Variants in CACNA1C observed in about 807,000 individuals in gnomAD.
CACNA1C encodes the protein voltage-dependent L-type calcium channel subunit alpha-1C.
A neutral mutation model predicts 229.0 loss-of-function variants in CACNA1C; 30 were observed. The ratio of observed to expected loss-of-function variants is 0.13; its 90% CI spans 0.10 to 0.18. The LOEUF (loss-of-function observed/expected upper bound fraction) is 0.18. Ranked by LOEUF, CACNA1C falls within the 10% of genes least tolerant of loss-of-function variation. The pLI, the probability that CACNA1C is intolerant of heterozygous loss-of-function variation, is 1.00. For missense variants in CACNA1C, 1,658 were observed against 2,845.0 expected, an observed-to-expected ratio of 0.58 and a Z score of 9.49; for synonymous variants, 1,114 against 1,132.5, an observed-to-expected ratio of 0.98 and a Z score of 0.33.
intron 10 of CACNA1C, among the ~76,000 whole-genome samples, chr12:2,552,285 G>A (rs1161047508): frequency 2.0e-5 from 3 of 151,866 alleles, no homozygotes; most frequent in Admixed American, 1.3e-4. Flanking sequence ...TCACAGTCTA[G>A]TGTGGGAGAG....
Position 2,608,664 on chromosome 12 carries a change from G to A in CACNA1C, c.3510G>A (p.Gln1170=), listed in dbSNP as rs372745326. ...TGGGCTTCGTCATCGTCACCTTTCA[G>A]GAGCAGGGGGAGCAGGAGTACAAGA... is the stretch of plus-strand genomic sequence containing the variant. ...IFVGFVIVTF[Q]EQGEQEYKNC... Residue 1170 remains glutamine, a synonymous_variant, in exon 27 of 47, where the codon CAG becomes CAA. Coordinates refer to ENST00000399655, the MANE Select transcript of CACNA1C (RefSeq NM_000719.7). The surrounding 1 kb of genome is among the most constrained non-coding windows in gnomAD (Gnocchi z 4.2). 34 of 1,614,164 alleles carry A rather than the reference G, an allele frequency of 2.1e-5. No homozygotes were observed. In the African/African-American group the frequency reaches 3.9e-4, roughly 18 times the overall value.
chr12:2,249,773 T>TC (rs1412878033), intron 3 of CACNA1C, among the ~76,000 whole-genome samples: 20 of 55,750 alleles, frequency 3.6e-4, no homozygotes, highest in African/African-American at 1.2e-3. Flanking sequence ...GCCTTCTCTC[T>TC]TTTTTTTTTT....
chr12:2,254,241 G>C lies in CACNA1C; in HGVS notation c.477+133811G>C, dbSNP rs1405487253. Among the ~76,000 whole-genome samples the C allele has an allele frequency of 3.9e-5, 6 of 152,266 alleles. No individual in the cohort carries two copies. The East Asian group carries it at 1.2e-3, about 29-fold the overall frequency. On this transcript the variant is annotated intron_variant, in intron 3 of 46. Coordinates refer to ENST00000399655, the MANE Select transcript of CACNA1C (RefSeq NM_000719.7). The stretch of plus-strand genomic sequence containing the variant: ...GGCACCCTCCCTCCAGTTGTTCTCA[G>C]GGAGTGGGGTGGAGAGTATCAGTAC...
chr12:2,573,822 T>C (rs1304404750), intron 13 of CACNA1C, among the ~76,000 whole-genome samples: 2 of 152,254 alleles, frequency 1.3e-5, no homozygotes, highest in Admixed American at 6.5e-5. Flanking sequence ...CTCTGTCACT[T>C]GCATTACAAA....
chr12:2,393,786 GT>G lies in CACNA1C; in HGVS notation c.478-55187del, dbSNP rs2098526797. On this transcript the variant is annotated intron_variant, in intron 3 of 46. Transcript: ENST00000399655. Reference sequence around the variant, plus strand: ...TTAGGGAAGTAAAACTCAGGAAAGGGTTTACATCTCTGAATTAGGCTGAAAA... The same window carrying G: ...TTAGGGAAGTAAAACTCAGGAAAGGGTTACATCTCTGAATTAGGCTGAAAA... Among the ~76,000 whole-genome samples the G allele has an allele frequency of 2.0e-5, 3 of 152,192 alleles. No individual in the cohort carries two copies. In the South Asian group the frequency reaches 6.2e-4, roughly 32 times the overall value.
chr12:2,175,627 G>A (rs1357069190), intron 3 of CACNA1C, among the ~76,000 whole-genome samples: 1 of 152,122 alleles, frequency 6.6e-6, no homozygotes, highest in Non-Finnish European at 1.5e-5. Flanking sequence ...TCCCCTGATG[G>A]TTTTCACATC....
chr12:2,364,305 G>A (rs953727646), intron 3 of CACNA1C, among the ~76,000 whole-genome samples: 1 of 152,210 alleles, frequency 6.6e-6, no homozygotes, highest in Non-Finnish European at 1.5e-5. Context: ...AGGCGTCTCT[G>A]AGAGTTGGTT....
chr12:2,004,409 C>A, intron 1 of CACNA1C: 1 of 1,610,862 alleles, frequency 6.2e-7, no homozygotes, highest in Non-Finnish European at 8.5e-7. Flanking sequence ...TCCCACCAGG[C>A]CGCCTGCCGC....
rs1048950179 is a variant in CACNA1C at position 2,136,006 on chromosome 12, G to C, written c.477+15576G>C. On this transcript the variant is annotated intron_variant, in intron 3 of 46. Transcript: ENST00000399655. ...CGAGCCAGGTGTGGGATATAGTCTC[G>C]TGGTGCGCCGTTTTTTAAGCCGGTC... Among the ~76,000 whole-genome samples the C allele has an allele frequency of 3.5e-4, 53 of 150,626 alleles. 3 individuals are homozygous for C. The South Asian group carries it at 3.6e-3, about 10-fold the overall frequency.
rs780526966 is a variant in CACNA1C, at chr12:2,581,614, G to C, written c.1920G>C (p.Leu640=). 6.4e-7 allele frequency: 1 copy of C among 1,572,360 alleles called. No homozygotes were observed. Residue 640 remains leucine, a synonymous_variant, in exon 14 of 47, where the codon CTG becomes CTC. Transcript: ENST00000399655. The part of the protein sequence containing the change: ...ITRYWNSLSN[L]VASLLNSVRS... ...GGTACTGGAACTCCTTGAGCAACCT[G>C]GTGGCATCCTTGCTGAACTCTGTGC...
intron 3 of CACNA1C, among the ~76,000 whole-genome samples, chr12:2,278,397 G>A (rs944057833): frequency 2.6e-5 from 4 of 152,150 alleles, no homozygotes; most frequent in Admixed American, 2.0e-4. Flanking sequence ...TTGCCCCTTT[G>A]TAATCCCAGT....
Position 2,359,294 on chromosome 12 carries a change from G to A in CACNA1C, c.478-89682G>A, listed in dbSNP as rs372023300. ...ACGTGAATGGAGGGAAAGCTAAGCC[G>A]TCCTTCCTGGCTTTCCAGTGAGCCA... On this transcript the variant is annotated intron_variant, in intron 3 of 46. Transcript: ENST00000399655. Among the ~76,000 whole-genome samples, 81 of 152,254 alleles carry A rather than the reference G, an allele frequency of 5.3e-4. 1 individual carries two copies. The South Asian group carries it at 0.016, about 30-fold the overall frequency.
At chr12:2,127,627 T>C (rs1343468032) in intron 3 of CACNA1C, among the ~76,000 whole-genome samples, 1 of 152,102 alleles carries the variant, frequency 6.6e-6, no homozygotes, top group East Asian at 1.9e-4. Context: ...GAGCCTGTTT[T>C]TGGATGAGAG....
rs144986025 is a variant in CACNA1C at position 2,547,655 on chromosome 12, T to TTGTG, written c.1391-2274_1391-2271dup. 1.1e-3 allele frequency: 703 copies of TTGTG among 641,236 alleles called. 5 individuals carry two copies. The African/African-American group carries it at 0.012, about 11-fold the overall frequency. The allele number at this position is 641,236 out of a possible 1,614,324, so 39.7% of individuals were successfully genotyped here. On this transcript the variant is annotated intron_variant, in intron 9 of 46. Coordinates refer to ENST00000399655, the MANE Select transcript of CACNA1C (RefSeq NM_000719.7). ...GTGCATATATGTGTATGTATATATG[T>TTGTG]TGTGTGTGTGTGTGTGTTTGTGAAG...
In CACNA1C at chr12:2,457,723, C is replaced by G. The variant is rs1286322392; in HGVS notation, c.757+17C>G. 1 of 1,568,482 alleles carries G rather than the reference C, an allele frequency of 6.4e-7. No individual in the cohort carries two copies. The highest frequency in any genetic ancestry group is 8.6e-7 in the Non-Finnish European group (1 of 1,158,582). ...GAGTCCCAAGTAAGTGAAGCCCGTT[C>G]TTGTGTACAGTGTTATCTCCTCACC... On this transcript the variant is annotated intron_variant, in intron 5 of 46. Coordinates refer to ENST00000399655, the MANE Select transcript of CACNA1C (RefSeq NM_000719.7).
Position 2,504,630 on chromosome 12 carries a change from G to A in CACNA1C, c.1114-212G>A. ...ACATGCCCGGGGTCCTCAGGGATGG[G>A]ACCCTGACAGGCCCAGGAAAACCAC... On this transcript the variant is annotated intron_variant, in intron 7 of 46. Transcript: ENST00000399655. This position sits in a 1 kb window ranked among gnomAD's most constrained non-coding sequence, Gnocchi z 6.8. 1.2e-6 allele frequency: 1 copy of A among 834,970 alleles called. No homozygotes were observed. The highest frequency in any genetic ancestry group is 2.1e-6 in the Non-Finnish European group (1 of 481,148). The allele number at this position is 834,970 out of a possible 1,614,324, so 51.7% of individuals were successfully genotyped here.
At chr12:2,685,518 C>A (rs1382725363) in intron 43 of CACNA1C, among the ~76,000 whole-genome samples, 2 of 151,992 alleles carry the variant, frequency 1.3e-5, no homozygotes, top group African/African-American at 4.8e-5. Flanking sequence ...AGACAGGCTG[C>A]GGGTGAGGAG....
At chr12:2,023,513 C>T (rs774004501) in intron 1 of CACNA1C, among the ~76,000 whole-genome samples, 45 of 152,274 alleles carry the variant, frequency 3.0e-4, no homozygotes, top group Non-Finnish European at 6.2e-4. Context: ...TTCCACCTGC[C>T]GAGTGAGAAC....
rs1459673377 is a variant in CACNA1C at position 2,695,349 on chromosome 12, T to G, written c.*4150T>G. ...AGAGTACTCATTCCATCTGGGGGTGTTGTTCCAGCCACATCAGCCTACCTG... is the reference window on the plus strand; with the variant it reads ...AGAGTACTCATTCCATCTGGGGGTGGTGTTCCAGCCACATCAGCCTACCTG... On this transcript the variant is annotated 3_prime_UTR_variant, in exon 47 of 47. Coordinates refer to ENST00000399655, the MANE Select transcript of CACNA1C (RefSeq NM_000719.7). 1.3e-5 allele frequency: 2 copies of G among 152,328 alleles called. No individual in the cohort carries two copies. Among genetic ancestry groups the G allele is most frequent in the Non-Finnish European group, 2.9e-5 (2 of 68,140 alleles). 9.4% of individuals were successfully genotyped at this position (152,328 alleles called of 1,614,324 possible). A position where few individuals can be genotyped will look rare whatever the true frequency, so the allele number is the denominator to read the frequency against.
Sources: gnomAD v4.1 joint callset for allele counts (sites outside exome capture counted in the v4.1 genomes callset) on GRCh38, gnomAD v4.1.1 for gene constraint, Gnocchi (gnomAD v3.1) non-coding constraint, MANE v1.5 for transcripts, NCBI Gene and HGNC (gene_info 2026-07-23, HGNC 2026-07-21) for gene names.